Variants in LRIG3 observed in about 807,000 individuals in gnomAD.
LRIG3 encodes leucine-rich repeats and immunoglobulin-like domains protein 3.
A neutral mutation model predicts 114.5 loss-of-function variants in LRIG3; 76 were observed. That is an observed-to-expected ratio of 0.66 (90% confidence interval 0.55 to 0.80). The LOEUF is 0.80. Among genes scored for constraint, LRIG3 ranks in the 30% least tolerant of loss-of-function variants. The pLI is 0.00. For missense variants in LRIG3, 1,239 were observed against 1,382.8 expected, an observed-to-expected ratio of 0.90 and a Z score of 1.65; for synonymous variants, 512 against 519.8, an observed-to-expected ratio of 0.98 and a Z score of 0.20.
In LRIG3 at chr12:58,888,355, C is replaced by G; in HGVS notation, c.921G>C (p.Trp307Cys). 1.2e-6 allele frequency: 2 copies of G among 1,613,382 alleles called. No individual in the cohort carries two copies. The highest frequency in any genetic ancestry group is 1.1e-5 in the South Asian group (1 of 91,016). ...NAINRISPDAWEFCQKLSELD... is the reference protein window; with the variant it reads ...NAINRISPDACEFCQKLSELD... ...GCTCACTGAGCTTCTGGCAGAACTC[C>G]CAGGCATCAGGGCTGATCCTGTTGA... Residue 307 changes from tryptophan to cysteine, a missense_variant, in exon 7 of 19, where the codon TGG (tryptophan) becomes TGC (cysteine). By Grantham distance (215) the Trp-to-Cys change is radical. Coordinates refer to ENST00000320743, the MANE Select transcript of LRIG3 (RefSeq NM_153377.5).
In LRIG3 at chr12:58,920,077, G is replaced by A. The variant is rs943450202; in HGVS notation, c.159C>T (p.Cys53=). Residue 53 remains cysteine (C), a synonymous_variant, in exon 1 of 19, where the codon TGC becomes TGT. Coordinates refer to ENST00000320743, the MANE Select transcript of LRIG3 (RefSeq NM_153377.5). The part of the protein sequence containing the change: ...AERPCPTTCR[C]LGDLLDCSRK... ...GACTGCAGTCCAGCAGGTCCCCGAG[G>A]CAGCGGCAGGTAGTGGGGCATGGGC... The A allele has an allele frequency of 1.3e-6, 2 of 1,556,532 alleles. No homozygotes were observed. Among genetic ancestry groups the A allele is most frequent in the Non-Finnish European group, 1.7e-6 (2 of 1,150,362 alleles).
intron 3 of LRIG3, among the ~76,000 whole-genome samples, chr12:58,905,596 A>C (rs1872032735): frequency 6.6e-6 from 1 of 152,178 alleles, no homozygotes; most frequent in Admixed American, 6.5e-5. Context: ...ATGTGGTCGT[A>C]CCGATAGGCC....
rs1273918827 is a variant in LRIG3, at chr12:58,914,054, T to C, written c.311A>G (p.Lys104Arg). The C allele has an allele frequency of 6.2e-7, 1 of 1,601,636 alleles. No homozygotes were observed. The highest frequency in any genetic ancestry group is 8.5e-7 in the Non-Finnish European group (1 of 1,177,478). ...GGTCTCCAATTCATTGTTGTTCAGT[T>C]TCCTACAAATGCCAAAAAAAAAAAG... ...MSHLQSLREV[K>R]LNNNELETIP... is the part of the protein sequence containing the mutation. The change falls in exon 3 of 19, where the codon AAA (lysine) becomes AGA (arginine). Residue 104 changes from lysine (K) to arginine (R), a missense_variant and splice_region_variant. Lys to Arg is a conservative substitution (Grantham distance 26). Transcript: ENST00000320743.
At position 58,878,876 on chromosome 12, in the gene LRIG3, T is replaced by C; in HGVS notation, c.2031A>G (p.Thr677=). The part of the protein sequence containing the change: ...KIEDIGVYSC[T]AQNSAGSISA... ...AAATACTTCCTGCACTGTTCTGAGC[T>C]GTGCAGCTGTATACCCCAATGTCCT... Residue 677 remains threonine, a synonymous_variant, in exon 14 of 19, where the codon ACA becomes ACG. Transcript: ENST00000320743. 1 of 1,614,238 alleles carries C rather than the reference T, an allele frequency of 6.2e-7. No homozygotes were observed. Among genetic ancestry groups the C allele is most frequent in the South Asian group, 1.1e-5 (1 of 91,088 alleles).
rs781635689 is a variant in LRIG3 at position 58,890,072 on chromosome 12, G to A, written c.583C>T (p.Leu195Phe). ...CGGTTCCTGTTCAGCTTTAACACAAGGAGTGTGTTGGCCAAATTGTCAAAA... is the reference window on the plus strand; with the variant it reads ...CGGTTCCTGTTCAGCTTTAACACAAAGAGTGTGTTGGCCAAATTGTCAAAA... ...GYFDNLANTL[L>F]VLKLNRNRIS... Residue 195 changes from leucine to phenylalanine, a missense_variant, in exon 5 of 19, where the codon CTT becomes TTT. Coordinates refer to ENST00000320743, the MANE Select transcript of LRIG3 (RefSeq NM_153377.5). 1 of 1,613,904 alleles carries A rather than the reference G, an allele frequency of 6.2e-7. No homozygotes were observed. Among genetic ancestry groups the A allele is most frequent in the Non-Finnish European group, 8.5e-7 (1 of 1,179,866 alleles).
intron 3 of LRIG3, among the ~76,000 whole-genome samples, chr12:58,897,823 AT>A (rs879811958): frequency 2.0e-5 from 3 of 152,200 alleles, no homozygotes; most frequent in African/African-American, 7.2e-5. Context: ...AAACTTAAAA[AT>A]TTTTACTGTT....
intron 3 of LRIG3, among the ~76,000 whole-genome samples, chr12:58,903,883 C>T (rs1057428537): frequency 5.9e-5 from 9 of 151,834 alleles, no homozygotes; most frequent in Admixed American, 1.3e-4. Flanking sequence ...TGTAGATATG[C>T]GGCGTTATTT....
intron 15 of LRIG3, 91 bp from the exon 16 acceptor site, chr12:58,876,694 T>G: frequency 7.6e-7 from 1 of 1,309,604 alleles, no homozygotes; most frequent in Non-Finnish European, 1.1e-6. Context: ...TATTTTGGCT[T>G]CTGTATACAT....
intron 16 of LRIG3, among the ~76,000 whole-genome samples, chr12:58,875,847 C>G (rs1464267631): frequency 2.0e-5 from 3 of 152,174 alleles, no homozygotes; most frequent in Non-Finnish European, 4.4e-5. Context: ...CAAGACAAGC[C>G]TGGCCAACAT....
intron 8 of LRIG3, 158 bp from the exon 9 acceptor site, chr12:58,887,048 C>G: frequency 1.0e-5 from 6 of 575,914 alleles, no homozygotes; most frequent in Non-Finnish European, 1.8e-5. Flanking sequence ...CAACTTACCT[C>G]TTACACCCTG....
At position 58,880,824 on chromosome 12, in the gene LRIG3, A is replaced by C. The variant is rs1482865882; in HGVS notation, c.1558T>G (p.Cys520Gly). The part of the protein sequence containing the change: ...AIKGSNLSFI[C>G]SAASSSDSPM... ...GAATCACTGCTGCTGGCAGCTGAGCAGATGAAACTCAAATTGGAACCTTTT... is the reference window on the plus strand; with the variant it reads ...GAATCACTGCTGCTGGCAGCTGAGCCGATGAAACTCAAATTGGAACCTTTT... The change falls in exon 13 of 19, where the codon TGC becomes GGC. Residue 520 changes from cysteine (C) to glycine (G), a missense_variant. Coordinates refer to ENST00000320743, the MANE Select transcript of LRIG3 (RefSeq NM_153377.5). 3 of 1,614,226 alleles carry C rather than the reference A, an allele frequency of 1.9e-6. No individual in the cohort carries two copies. The highest frequency in any genetic ancestry group is 2.5e-6 in the Non-Finnish European group (3 of 1,180,022).
At chr12:58,900,913 T>C (rs1323854705) in intron 3 of LRIG3, among the ~76,000 whole-genome samples, 1 of 152,224 alleles carries the variant, frequency 6.6e-6, no homozygotes, top group Non-Finnish European at 1.5e-5. Context: ...TTTGTCTTTA[T>C]TCACAGACTG....
chr12:58,882,084 C>T (rs776201386), intron 12 of LRIG3, among the ~76,000 whole-genome samples: 3 of 152,146 alleles, frequency 2.0e-5, no homozygotes, highest in Non-Finnish European at 4.4e-5. Flanking sequence ...AAATATATAT[C>T]GTGGACAAAG....
In LRIG3 at chr12:58,916,403, ATACT is replaced by A. The variant is rs1353530699; in HGVS notation, c.237-2071_237-2068del. Among the ~76,000 whole-genome samples, 3 of 152,340 alleles carry A rather than the reference ATACT, an allele frequency of 2.0e-5. No individual in the cohort carries two copies. The East Asian group carries it at 5.8e-4, about 29-fold the overall frequency. ...CCCCTTAAATGACATTTACTGCTAA[ATACT>A]TACAGCTATGAAACTTTTAGTGTAC... On this transcript the variant is annotated intron_variant, in intron 1 of 18. Coordinates refer to ENST00000320743, the MANE Select transcript of LRIG3 (RefSeq NM_153377.5).
At chr12:58,885,925 A>G in intron 9 of LRIG3, 23 bp from the exon 10 acceptor site, 2 of 1,535,976 alleles carry the variant, frequency 1.3e-6, no homozygotes, top group Non-Finnish European at 1.8e-6. Context: ...ATTACATTGG[A>G]GCACTTAATT....
chr12:58,888,407 T>C lies in LRIG3; in HGVS notation c.869A>G (p.Gln290Arg), dbSNP rs1268733341. 8 of 1,613,782 alleles carry C rather than the reference T, an allele frequency of 5.0e-6. No individual in the cohort carries two copies. Among genetic ancestry groups the C allele is most frequent in the Non-Finnish European group, 6.8e-6 (8 of 1,179,874 alleles). Reference sequence around the variant, plus strand: ...GGCATTTTGGCTGAGATGAAGTTCCTGCAGCATCAGCAAGCCGTAAAGCCA... The same window carrying C: ...GGCATTTTGGCTGAGATGAAGTTCCCGCAGCATCAGCAAGCCGTAAAGCCA... ...KGWLYGLLML[Q>R]ELHLSQNAIN... The change falls in exon 7 of 19, where the codon CAG becomes CGG. Residue 290 changes from glutamine (Q) to arginine (R), a missense_variant. Transcript: ENST00000320743.
Position 58,872,636 on chromosome 12 carries a change from G to T in LRIG3, c.3296C>A (p.Thr1099Asn). 2 of 1,614,002 alleles carry T rather than the reference G, an allele frequency of 1.2e-6. No homozygotes were observed. The highest frequency in any genetic ancestry group is 2.2e-5 in the South Asian group (2 of 91,078). The change falls in exon 19 of 19, where the codon ACC (threonine) becomes AAC (asparagine). Residue 1099 changes from threonine (T) to asparagine (N), a missense_variant. Coordinates refer to ENST00000320743, the MANE Select transcript of LRIG3 (RefSeq NM_153377.5). ...GTAGTTTTCTAAAGTCTGTTTAAAG[G>T]TACAAATGTGATTTTCTTCCTGAAA... is the stretch of plus-strand genomic sequence containing the variant. ...TDFQEENHIC[T>N]FKQTLENYRT...
At chr12:58,872,922 T>A in intron 18 of LRIG3, 106 bp from the exon 19 acceptor site, 2 of 1,434,338 alleles carry the variant, frequency 1.4e-6, no homozygotes, top group Non-Finnish European at 1.9e-6. Context: ...TATGAGTAAG[T>A]GTTTTCTACA....
chr12:58,913,784 T>C (rs1274174484), intron 3 of LRIG3, 198 bp downstream of exon 3: 4 of 549,424 alleles, frequency 7.3e-6, no homozygotes, highest in Non-Finnish European at 1.3e-5. Flanking sequence ...AGTGTGTTGT[T>C]ATAAGAATAC....
Sources: gnomAD v4.1 joint callset for allele counts (sites outside exome capture counted in the v4.1 genomes callset) on GRCh38, gnomAD v4.1.1 for gene constraint, MANE v1.5 for transcripts, NCBI Gene and HGNC (gene_info 2026-07-23, HGNC 2026-07-21) for gene names.